MAK: variants seen among roughly 807,000 people sequenced by gnomAD.
The protein encoded by MAK is serine/threonine-protein kinase MAK.
A neutral mutation model predicts 82.6 loss-of-function variants in MAK; 65 were observed. The observed-to-expected ratio is 0.79, with a 90% CI of 0.64 to 0.97. The LOEUF (loss-of-function observed/expected upper bound fraction) is 0.97. Ranked by LOEUF, MAK falls within the 50% of genes least tolerant of loss-of-function variation. MAK has a pLI of 0.00. For synonymous variants in MAK, 250 were observed against 274.2 expected (o/e 0.91, Z 0.87); for missense variants, 703 against 780.2 (o/e 0.90, Z 1.18).
intron 2 of MAK, among the ~76,000 whole-genome samples, chr6:10,820,443 C>T (rs1777860238): frequency 6.6e-6 from 1 of 152,146 alleles, no homozygotes; most frequent in Admixed American, 6.5e-5. Flanking sequence ...CAGTCACTCA[C>T]CATATGACTT....
intron 11 of MAK, among the ~76,000 whole-genome samples, chr6:10,783,822 C>T (rs781272460): frequency 1.3e-5 from 2 of 152,156 alleles, no homozygotes; most frequent in African/African-American, 2.4e-5. Flanking sequence ...AGATCGAGAC[C>T]ATCCCGGCTA....
intron 10 of MAK, 109 bp downstream of exon 10, chr6:10,791,566 C>CTG (rs1309616481): frequency 6.7e-6 from 7 of 1,039,714 alleles, no homozygotes; most frequent in Non-Finnish European, 1.0e-5. Flanking sequence ...TACACCTGGC[C>CTG]TGTTAAGCAA....
chr6:10,799,799 G>C (rs1775868263), intron 8 of MAK, among the ~76,000 whole-genome samples: 1 of 152,116 alleles, frequency 6.6e-6, no homozygotes, highest in South Asian at 2.1e-4. Flanking sequence ...TGTAATCCCA[G>C]AACTTAGGGA....
intron 5 of MAK, among the ~76,000 whole-genome samples, chr6:10,813,109 TATATATATATATATATATATATATAAA>T (rs1561987042): frequency 0.034 from 70 of 2,074 alleles, 10 homozygotes; most frequent in African/African-American, 0.075. Context: ...TATATATATA[TATATATATATATATATATATATATAAA>T]TTTTTTTTTT....
rs556264842 is a variant in MAK at position 10,798,016 on chromosome 6, G to A, written c.832-1707C>T. On this transcript the variant is annotated intron_variant, in intron 8 of 14. Coordinates refer to ENST00000354489, the MANE Select transcript of MAK (RefSeq NM_001242957.3). ...TGAATTAAGTCACATTAAGTAATTA[G>A]TATGTCAATATTCCTAAATTAATGA... 157 of 1,010,794 alleles carry A rather than the reference G, an allele frequency of 1.6e-4. 1 individual carries two copies. In the African/African-American group the frequency reaches 2.4e-3, roughly 16 times the overall value. The allele number at this position is 1,010,794 out of a possible 1,614,324, so 62.6% of individuals were successfully genotyped here. A position where few individuals can be genotyped will look rare whatever the true frequency, so the allele number is the denominator to read the frequency against.
intron 7 of MAK, chr6:10,802,453 G>A (rs914390595): frequency 1.1e-5 from 2 of 182,788 alleles, no homozygotes; most frequent in Admixed American, 5.8e-5. Flanking sequence ...CTACAGGTGC[G>A]CACCATCACA....
intron 6 of MAK, among the ~76,000 whole-genome samples, chr6:10,807,613 T>G (rs2127563161): frequency 6.6e-6 from 1 of 151,802 alleles, no homozygotes; most frequent in Non-Finnish European, 1.5e-5. Context: ...GTGCTGGGAT[T>G]ACAGGCGTGA....
intron 8 of MAK, chr6:10,797,594 T>C: frequency 1.0e-6 from 1 of 985,334 alleles, no homozygotes; most frequent in Non-Finnish European, 1.2e-6. Context: ...TATGGAAAAA[T>C]TCCCTTATTG....
chr6:10,828,188 T>C (rs1778523335), intron 2 of MAK, among the ~76,000 whole-genome samples: 1 of 152,250 alleles, frequency 6.6e-6, no homozygotes, highest in African/African-American at 2.4e-5. Flanking sequence ...GTTTAGATCA[T>C]AATATTTTAA....
chr6:10,805,157 C>T (rs141464051), intron 6 of MAK, among the ~76,000 whole-genome samples: 47 of 152,284 alleles, frequency 3.1e-4, no homozygotes, highest in African/African-American at 9.9e-4. Flanking sequence ...GCTTCCAGGA[C>T]ACGCTGTTGC....
At chr6:10,777,983 T>C (rs1029584595) in intron 11 of MAK, among the ~76,000 whole-genome samples, 1 of 152,212 alleles carries the variant, frequency 6.6e-6, no homozygotes, top group Non-Finnish European at 1.5e-5. Context: ...TGGAAATAGA[T>C]ATATCCTAGA....
At chr6:10,782,865 A>T (rs569013043) in intron 11 of MAK, among the ~76,000 whole-genome samples, 1 of 152,334 alleles carries the variant, frequency 6.6e-6, no homozygotes, top group East Asian at 1.9e-4. Flanking sequence ...GGTGTGAGCC[A>T]CTGTGCCCAG....
At chr6:10,791,543 AGGCCTGAGCCACTACACCT>A in intron 10 of MAK, 113 bp downstream of exon 10, 1 of 784,622 alleles carries the variant, frequency 1.3e-6, no homozygotes, top group Non-Finnish European at 2.1e-6. Flanking sequence ...CTGGGATTAC[AGGCCTGAGCCACTACACCT>A]GGCCTGTTAA....
chr6:10,802,219 AT>A (rs1776070631), intron 7 of MAK, 160 bp from the exon 8 acceptor site: 1 of 612,558 alleles, frequency 1.6e-6, no homozygotes, highest in African/African-American at 1.8e-5. Flanking sequence ...CACGTCTATA[AT>A]TTAGTGCTAC....
intron 10 of MAK, among the ~76,000 whole-genome samples, chr6:10,789,650 G>A (rs1168252544): frequency 1.3e-5 from 2 of 152,128 alleles, no homozygotes; most frequent in African/African-American, 4.8e-5. Flanking sequence ...ATGTGAATGT[G>A]CTCTCAAAAA....
chr6:10,787,217 C>T (rs1774639971), intron 10 of MAK, among the ~76,000 whole-genome samples: 1 of 152,266 alleles, frequency 6.6e-6, no homozygotes, highest in Admixed American at 6.5e-5. Context: ...CACCACTCCG[C>T]TAATTCACCA....
Position 10,800,406 on chromosome 6 carries a change from TA to T in MAK, c.831+1485del, listed in dbSNP as rs1239546247. On this transcript the variant is annotated intron_variant, in intron 8 of 14. Coordinates refer to ENST00000354489, the MANE Select transcript of MAK (RefSeq NM_001242957.3). This position sits in a 1 kb window ranked among gnomAD's most constrained non-coding sequence, Gnocchi z 4.2. ...ATAGAGAAAAATTTTACTTTTTATG[TA>T]ATCAAATTGTTTGAATCTTCCTTTT... is the stretch of plus-strand genomic sequence containing the variant. Among the ~76,000 whole-genome samples, 1 of 152,232 alleles carries T rather than the reference TA, an allele frequency of 6.6e-6. No individual in the cohort carries two copies.
chr6:10,798,201 G>A (rs1283087907), intron 8 of MAK, among the ~76,000 whole-genome samples: 1 of 138,740 alleles, frequency 7.2e-6, no homozygotes, highest in Non-Finnish European at 1.5e-5. Context: ...CACTGCATCC[G>A]CCTCCTGGGT....
At chr6:10,837,176 AATAC>A (rs1779199141) in intron 1 of MAK, among the ~76,000 whole-genome samples, 2 of 152,234 alleles carry the variant, frequency 1.3e-5, no homozygotes, top group Non-Finnish European at 2.9e-5. Flanking sequence ...TAACGCTTCT[AATAC>A]ACAACAAAAG....
Sources: gnomAD v4.1 joint callset for allele counts (sites outside exome capture counted in the v4.1 genomes callset) on GRCh38, gnomAD v4.1.1 for gene constraint, Gnocchi (gnomAD v3.1) non-coding constraint, MANE v1.5 for transcripts, NCBI Gene and HGNC (gene_info 2026-07-23, HGNC 2026-07-21) for gene names.